The following FAM81A variants were observed in gnomAD, a reference collection of about 807,000 sequenced individuals.
FAM81A encodes the protein protein FAM81A.
In FAM81A, 19 loss-of-function variants were observed where a neutral mutation model predicts 46.7. That is an observed-to-expected ratio of 0.41 (90% CI 0.28 to 0.60). FAM81A has a LOEUF of 0.60. Among genes scored for constraint, FAM81A ranks in the 20% least tolerant of loss-of-function variants. FAM81A has a pLI of 0.34. For missense variants in FAM81A, 377 were observed against 453.5 expected (o/e 0.83, Z 1.53); for synonymous variants, 183 against 152.9 (o/e 1.20, Z -1.45).
chr15:59,400,046 GC>G (rs35901203), intron 1 of FAM81A, among the ~76,000 whole-genome samples: 20,221 of 152,106 alleles, frequency 0.13, 1,655 homozygotes, highest in Middle Eastern at 0.23. Context: ...ACACCTAGGA[GC>G]TAACTTCCTG....
chr15:59,523,311 G>C lies in FAM81A; in HGVS notation c.*1933G>C, dbSNP rs1483254341. 1 of 152,276 alleles carries C rather than the reference G, an allele frequency of 6.6e-6. No individual in the cohort carries two copies. The highest frequency in any genetic ancestry group is 2.4e-5 in the African/African-American group (1 of 41,452). 9.4% of individuals were successfully genotyped at this position (152,276 alleles called of 1,614,324 possible). A position where few individuals can be genotyped will look rare whatever the true frequency, so the allele number is the denominator to read the frequency against. On this transcript the variant is annotated 3_prime_UTR_variant, in exon 9 of 9. Coordinates refer to ENST00000288228, the MANE Select transcript of FAM81A (RefSeq NM_152450.3). ...CTACATGTTGAAATCATCCAGAGGA[G>C]TTGGGAAATCTACTGATGCCCCGCT...
chr15:59,455,946 C>G (rs182138251), intron 1 of FAM81A, among the ~76,000 whole-genome samples: 4 of 152,314 alleles, frequency 2.6e-5, no homozygotes, highest in African/African-American at 7.2e-5. Context: ...TGGGCATTCA[C>G]TCATTCATTA....
intron 2 of FAM81A, chr15:59,407,812 C>T (rs951399456): frequency 4.0e-6 from 1 of 252,034 alleles, no homozygotes; most frequent in South Asian, 4.8e-5. Context: ...GGCCAGCAGC[C>T]TCTGCTTCTT....
chr15:59,399,281 G>A (rs1043814131), intron 1 of FAM81A, among the ~76,000 whole-genome samples: 1 of 152,124 alleles, frequency 6.6e-6, no homozygotes, highest in Non-Finnish European at 1.5e-5. Context: ...CCCAGAAGCT[G>A]GAAACATTTC....
At chr15:59,509,097 A>G (rs1011888968) in intron 6 of FAM81A, 128 bp downstream of exon 6, 1 of 717,334 alleles carries the variant, frequency 1.4e-6, no homozygotes. Flanking sequence ...GTTAAAAAGA[A>G]AAGTTTCCTT....
At chr15:59,418,799 A>C (rs1455646292) in intron 2 of FAM81A, among the ~76,000 whole-genome samples, 2 of 151,044 alleles carry the variant, frequency 1.3e-5, no homozygotes, top group African/African-American at 4.8e-5. Flanking sequence ...TCTGAGCCCC[A>C]GTTTCCTTTC....
intron 1 of FAM81A, among the ~76,000 whole-genome samples, chr15:59,398,354 G>A (rs2140459819): frequency 6.6e-6 from 1 of 152,290 alleles, no homozygotes; most frequent in African/African-American, 2.4e-5. Flanking sequence ...TTTTCTGCAT[G>A]TAACCAAAAT....
chr15:59,510,471 A>G (rs2082194694), intron 6 of FAM81A, among the ~76,000 whole-genome samples: 1 of 152,116 alleles, frequency 6.6e-6, no homozygotes. Context: ...ACACCAAATA[A>G]ATATAGAAAG....
At chr15:59,454,496 G>C (rs1178308982) in intron 1 of FAM81A, among the ~76,000 whole-genome samples, 1 of 151,626 alleles carries the variant, frequency 6.6e-6, no homozygotes, top group Non-Finnish European at 1.5e-5. Context: ...TTCCTTTTTT[G>C]TTTCTCCCTT....
At chr15:59,412,252 G>C (rs2081124274) in intron 2 of FAM81A, among the ~76,000 whole-genome samples, 1 of 152,200 alleles carries the variant, frequency 6.6e-6, no homozygotes, top group Admixed American at 6.5e-5. Flanking sequence ...ATTTGGGGCA[G>C]TTTAGTGTTT....
chr15:59,416,033 T>A (rs2081145269), intron 2 of FAM81A, among the ~76,000 whole-genome samples: 1 of 152,238 alleles, frequency 6.6e-6, no homozygotes, highest in Non-Finnish European at 1.5e-5. Context: ...TCTGTTTATA[T>A]GTTTACTTTG....
At chr15:59,405,780 C>T in intron 2 of FAM81A, among the ~76,000 whole-genome samples, 1 of 152,202 alleles carries the variant, frequency 6.6e-6, no homozygotes, top group East Asian at 1.9e-4. Context: ...CCTCTTTCTC[C>T]CACACTGCTA....
rs369974152 is a variant in FAM81A at position 59,521,277 on chromosome 15, A to G, written c.1006A>G (p.Ile336Val). 1.4e-4 allele frequency: 225 copies of G among 1,613,650 alleles called. No homozygotes were observed. Among genetic ancestry groups the G allele is most frequent in the Non-Finnish European group, 1.8e-4 (214 of 1,179,784 alleles). ...NAGFTAVYESIGSLRQVLEAK... is the reference protein window; with the variant it reads ...NAGFTAVYESVGSLRQVLEAK... ...AGGGTTTACAGCCGTCTATGAAAGC[A>G]TAGGATCCCTCAGGCAAGTTCTCGA... The change falls in exon 9 of 9, where the codon ATA becomes GTA. Residue 336 changes from isoleucine to valine, a missense_variant. Transcript: ENST00000288228.
intron 3 of FAM81A, among the ~76,000 whole-genome samples, chr15:59,465,778 G>T (rs189438590): frequency 1.3e-5 from 2 of 152,240 alleles, no homozygotes; most frequent in East Asian, 3.9e-4. Flanking sequence ...CATGTGCCAT[G>T]TTGGTTTGCT....
chr15:59,499,859 A>ATTTT (rs746846741), intron 4 of FAM81A, among the ~76,000 whole-genome samples: 1 of 134,520 alleles, frequency 7.4e-6, no homozygotes, highest in Non-Finnish European at 1.6e-5. Context: ...TTTCATTTTC[A>ATTTT]TTTTTTTTTT....
intron 2 of FAM81A, among the ~76,000 whole-genome samples, chr15:59,431,424 G>T (rs2081219350): frequency 6.6e-6 from 1 of 151,926 alleles, no homozygotes; most frequent in Admixed American, 6.6e-5. Context: ...TAGTAGAGTT[G>T]GGGTTTCACC....
chr15:59,492,260 A>G lies in FAM81A; in HGVS notation c.295-11A>G, dbSNP rs1205165739. On this transcript the variant is annotated splice_polypyrimidine_tract_variant and intron_variant, in intron 3 of 8. Coordinates refer to ENST00000288228, the MANE Select transcript of FAM81A (RefSeq NM_152450.3). Reference sequence around the variant, plus strand: ...TTAGATGACTCCCTTAGTGTTTTTTATGTTGCCCAGGTACTCCAGGAGCAG... The same window carrying G: ...TTAGATGACTCCCTTAGTGTTTTTTGTGTTGCCCAGGTACTCCAGGAGCAG... 3.1e-6 allele frequency: 5 copies of G among 1,596,210 alleles called. No homozygotes were observed. Among genetic ancestry groups the G allele is most frequent in the East Asian group, 2.2e-5 (1 of 44,738 alleles).
intron 1 of FAM81A, among the ~76,000 whole-genome samples, chr15:59,444,699 T>G (rs2081336221): frequency 6.6e-6 from 1 of 152,206 alleles, no homozygotes; most frequent in Admixed American, 6.5e-5. Flanking sequence ...TTTCACTCTT[T>G]CTGTCTGTTA....
rs2081731656 is a variant in FAM81A at position 59,473,913 on chromosome 15, G to A, written c.294+13707G>A. 5.9e-5 allele frequency among the ~76,000 whole-genome samples: 9 copies of A among 152,314 alleles called. No homozygotes were observed. In the South Asian group the frequency reaches 1.9e-3, roughly 32 times the overall value. On this transcript the variant is annotated intron_variant, in intron 3 of 8. Transcript: ENST00000288228. ...GCTGGTCTTGAACTCCTGGGCCCAA[G>A]CAGTCCTCTCACCTTGGCCTCCCAA...
Sources: gnomAD v4.1 joint callset for allele counts (sites outside exome capture counted in the v4.1 genomes callset) on GRCh38, gnomAD v4.1.1 for gene constraint, MANE v1.5 for transcripts, NCBI Gene and HGNC (gene_info 2026-07-23, HGNC 2026-07-21) for gene names.